Variants in LIX1L observed in about 807,000 individuals in gnomAD.
LIX1L encodes LIX1-like protein.
A neutral mutation model predicts 34.0 loss-of-function variants in LIX1L; 20 were observed. That is an observed-to-expected ratio of 0.59 (90% confidence interval 0.41 to 0.85). The LOEUF (loss-of-function observed/expected upper bound fraction) is 0.85. LIX1L is among the 40% of genes least tolerant of loss of function. The pLI, the probability that LIX1L is intolerant of heterozygous loss-of-function variation, is 0.00. For synonymous variants in LIX1L, 170 were observed against 187.4 expected (o/e 0.91, Z 0.76); for missense variants, 397 against 447.0 (o/e 0.89, Z 1.01).
intron 2 of LIX1L, among the ~76,000 whole-genome samples, chr1:145,946,741 A>T (rs1649126645): frequency 6.6e-6 from 1 of 152,192 alleles, no homozygotes; most frequent in South Asian, 2.1e-4. Flanking sequence ...CAATTATGAT[A>T]TGTTGTAATA....
intron 1 of LIX1L, among the ~76,000 whole-genome samples, chr1:145,954,970 T>C (rs1400280142): frequency 6.6e-6 from 1 of 152,204 alleles, no homozygotes; most frequent in African/African-American, 2.4e-5. Flanking sequence ...ACCCTCTTTG[T>C]ATTGGGCTGG....
rs587756820 is a variant in LIX1L, at chr1:145,945,895, G to A, written c.456+1724C>T. On this transcript the variant is annotated intron_variant, in intron 2 of 5. Coordinates refer to ENST00000604000, the MANE Select transcript of LIX1L (RefSeq NM_153713.3). The stretch of plus-strand genomic sequence containing the variant: ...AAGGTCAGGAGATTGAGACCATCCT[G>A]GCTAACATGGTGAAACCCTGTCTCT... Among the ~76,000 whole-genome samples, 5 of 149,154 alleles carry A rather than the reference G, an allele frequency of 3.4e-5. No individual in the cohort carries two copies. In the South Asian group the frequency reaches 1.1e-3, roughly 32 times the overall value.
At position 145,936,477 on chromosome 1, in the gene LIX1L, G is replaced by A. The variant is rs782250864; in HGVS notation, c.847C>T (p.Arg283Trp). ...RHQMALDWVSREQSVPGALSR... is the reference protein window; with the variant it reads ...RHQMALDWVSWEQSVPGALSR... ...AGTGCCCCCGGCACACTCTGCTCCCGGCTCACCCAGTCCAAGGCCATTTGG... is the reference window on the plus strand; with the variant it reads ...AGTGCCCCCGGCACACTCTGCTCCCAGCTCACCCAGTCCAAGGCCATTTGG... The change falls in exon 6 of 6, where the codon CGG becomes TGG. Residue 283 changes from arginine to tryptophan, a missense_variant. By Grantham distance (101) the Arg-to-Trp change is moderately radical. Around this residue, in one of 3 missense-constraint regions of LIX1L, gnomAD observed 174 missense variants for 204.0 expected, o/e 0.85. Coordinates refer to ENST00000604000, the MANE Select transcript of LIX1L (RefSeq NM_153713.3). 6 of 1,614,108 alleles carry A rather than the reference G, an allele frequency of 3.7e-6. No homozygotes were observed. The highest frequency in any genetic ancestry group is 1.3e-5 in the African/African-American group (1 of 75,008).
chr1:145,935,574 A>C lies in LIX1L; in HGVS notation c.*736T>G, dbSNP rs1648608145. The C allele has an allele frequency of 6.6e-6, 1 of 152,370 alleles. No homozygotes were observed. The highest frequency in any genetic ancestry group is 2.4e-5 in the African/African-American group (1 of 41,458). The allele number at this position is 152,370 out of a possible 1,614,324, so 9.4% of individuals were successfully genotyped here. On this transcript the variant is annotated 3_prime_UTR_variant, in exon 6 of 6. Transcript: ENST00000604000. ...AGATGTTTAGAGGGAATACTGAAAG[A>C]GAATCAGTTTCAACCATAACCCCCA...
rs192734371 is a variant in LIX1L at position 145,937,640 on chromosome 1, C to T, written c.657G>A (p.Leu219=). The T allele has an allele frequency of 1.9e-6, 3 of 1,613,688 alleles. No individual in the cohort carries two copies. The Admixed American group carries it at 5.0e-5, about 27-fold the overall frequency. Residue 219 remains leucine, a synonymous_variant, in exon 4 of 6, where the codon CTG becomes CTA. Transcript: ENST00000604000. The part of the protein sequence containing the change: ...NTGIGAFRFM[L]ESNKGKSMLE... ...ACATTGATTTGCCCTTGTTGGATTC[C>T]AGCATGAATCGGAAGGCACCAATCC...
chr1:145,938,319 T>G (rs1648746985), intron 3 of LIX1L, among the ~76,000 whole-genome samples: 1 of 152,124 alleles, frequency 6.6e-6, no homozygotes, highest in Admixed American at 6.6e-5. Flanking sequence ...CATTGGCCTA[T>G]TGTGTCTTCT....
In LIX1L at chr1:145,933,532, A is replaced by T. The variant is rs940289063; in HGVS notation, c.*2778T>A. 6.6e-6 allele frequency: 1 copy of T among 152,242 alleles called. No homozygotes were observed. The highest frequency in any genetic ancestry group is 2.4e-5 in the African/African-American group (1 of 41,472). The allele number at this position is 152,242 out of a possible 1,614,324, so 9.4% of individuals were successfully genotyped here. On this transcript the variant is annotated 3_prime_UTR_variant, in exon 6 of 6. Transcript: ENST00000604000. The stretch of plus-strand genomic sequence containing the variant: ...TGACACCAGAAGTGGACAGATCAGG[A>T]AACAATTTTTCTCAAGTTATTTGGG...
At chr1:145,941,641 T>C (rs1648921883) in intron 3 of LIX1L, among the ~76,000 whole-genome samples, 1 of 152,170 alleles carries the variant, frequency 6.6e-6, no homozygotes, top group African/African-American at 2.4e-5. Context: ...ATGGCGGTGT[T>C]AATTTCTAAG....
At chr1:145,955,097 A>G (rs1317516113) in intron 1 of LIX1L, among the ~76,000 whole-genome samples, 2 of 152,206 alleles carry the variant, frequency 1.3e-5, no homozygotes, top group Non-Finnish European at 2.9e-5. Flanking sequence ...ATCAATAAAT[A>G]TTTGGTAAAT....
rs138699307 is a variant in LIX1L, at chr1:145,943,639, A to G, written c.457-786T>C. ...ACTTCAGATCTCTAGCCACCATAGT[A>G]TTCCTTTATAATTCATCTTTATTGG... On this transcript the variant is annotated intron_variant, in intron 2 of 5. Transcript: ENST00000604000. Among the ~76,000 whole-genome samples the G allele has an allele frequency of 9.7e-3, 1,474 of 152,322 alleles. 25 individuals are homozygous for G. The highest frequency in any genetic ancestry group is 0.034 in the African/African-American group (1,393 of 41,558).
At position 145,957,939 on chromosome 1, in the gene LIX1L, A is replaced by G. The variant is rs1382030170; in HGVS notation, c.-12T>C. The stretch of plus-strand genomic sequence containing the variant: ...CGCATAGTCTCCATCCCGGCCGCCA[A>G]TGGAGTAGCGCCCCGGAGCCTGCCA... On this transcript the variant is annotated 5_prime_UTR_variant, in exon 1 of 6. Transcript: ENST00000604000. 2.7e-6 allele frequency: 4 copies of G among 1,465,238 alleles called. No homozygotes were observed. Among genetic ancestry groups the G allele is most frequent in the Middle Eastern group, 1.8e-4 (1 of 5,474 alleles). The allele number at this position is 1,465,238 out of a possible 1,614,324, so 90.8% of individuals were successfully genotyped here. A position where few individuals can be genotyped will look rare whatever the true frequency, so the allele number is the denominator to read the frequency against.
Position 145,947,452 on chromosome 1 carries a change from TCTA to T in LIX1L, c.456+164_456+166del. ...TGAAAGGAAAGCATGCTACTGAGGT[TCTA>T]CTATGGTCAAATTGGCCTCAGATGC... On this transcript the variant is annotated intron_variant, in intron 2 of 5. Transcript: ENST00000604000. 7.4e-6 allele frequency: 5 copies of T among 675,312 alleles called. No homozygotes were observed. The East Asian group carries it at 1.3e-4, about 18-fold the overall frequency. 41.8% of individuals were successfully genotyped at this position (675,312 alleles called of 1,614,324 possible).
Position 145,956,949 on chromosome 1 carries a change from G to A in LIX1L, c.292+687C>T, listed in dbSNP as rs1450962042. On this transcript the variant is annotated intron_variant, in intron 1 of 5. Transcript: ENST00000604000. ...ATTTATCCTCAGTTCCTGGGCAAGGGCCAGGAAAACACAGCCAGACAGAAA... is the reference window on the plus strand; with the variant it reads ...ATTTATCCTCAGTTCCTGGGCAAGGACCAGGAAAACACAGCCAGACAGAAA... 2.0e-5 allele frequency among the ~76,000 whole-genome samples: 3 copies of A among 152,270 alleles called. No individual in the cohort carries two copies. The East Asian group carries it at 5.8e-4, about 29-fold the overall frequency.
intron 3 of LIX1L, chr1:145,941,173 G>C (rs1361342289): frequency 6.6e-6 from 1 of 151,846 alleles, no homozygotes; most frequent in African/African-American, 2.4e-5. Flanking sequence ...ATAACAGAGG[G>C]AAACCAACTT....
At chr1:145,940,843 G>T (rs1388392789) in intron 3 of LIX1L, among the ~76,000 whole-genome samples, 2 of 151,456 alleles carry the variant, frequency 1.3e-5, no homozygotes, top group African/African-American at 4.9e-5. Flanking sequence ...GAGCCACCGT[G>T]CCTGGCCAAT....
rs1553759380 is a variant in LIX1L at position 145,947,623 on chromosome 1, A to G, written c.452T>C (p.Phe151Ser). 2 of 1,613,718 alleles carry G rather than the reference A, an allele frequency of 1.2e-6. No individual in the cohort carries two copies. The highest frequency in any genetic ancestry group is 4.5e-5 in the East Asian group (2 of 44,898). The change falls in exon 2 of 6, where the codon TTC becomes TCC. Residue 151 changes from phenylalanine (F) to serine (S), a missense_variant. Coordinates refer to ENST00000604000, the MANE Select transcript of LIX1L (RefSeq NM_153713.3). ...TLPGGSCFGS[F>S]QFCPTKAEAR... ...CTGCCACCTCACAACTCTTACCTGG[A>G]AACTCCCAAAGCAGCTTCCCCCAGG... is the stretch of plus-strand genomic sequence containing the variant.
At chr1:145,952,158 G>A (rs1553759885) in intron 1 of LIX1L, among the ~76,000 whole-genome samples, 1 of 152,176 alleles carries the variant, frequency 6.6e-6, no homozygotes, top group African/African-American at 2.4e-5. Context: ...ATTTCCGGGG[G>A]CCAATATTCT....
chr1:145,956,947 G>A (rs1312430174), intron 1 of LIX1L, among the ~76,000 whole-genome samples: 1 of 152,176 alleles, frequency 6.6e-6, no homozygotes, highest in Non-Finnish European at 1.5e-5. Context: ...TCCTGGGCAA[G>A]GGCCAGGAAA....
chr1:145,942,984 A>G (rs1439721713), intron 2 of LIX1L, 131 bp from the exon 3 acceptor site: 4 of 871,016 alleles, frequency 4.6e-6, no homozygotes, highest in Non-Finnish European at 7.1e-6. Flanking sequence ...TGTTCAACAC[A>G]CTTTCCAAGG....
Sources: allele counts gnomAD v4.1 joint callset (sites outside exome capture counted in the v4.1 genomes callset), GRCh38; gene constraint gnomAD v4.1.1; regional missense constraint gnomAD v4.1.1; transcripts MANE v1.5; gene names NCBI Gene and HGNC (gene_info 2026-07-23, HGNC 2026-07-21).